CELF2: variants seen among roughly 807,000 people sequenced by gnomAD.
CELF2 encodes CUGBP Elav-like family member 2, also known as CUG triplet repeat RNA-binding protein 2.
CELF2 carries 8 observed loss-of-function variants against 62.6 expected under a neutral mutation model. The observed-to-expected ratio is 0.13, with a 90% confidence interval of 0.07 to 0.23. The LOEUF (loss-of-function observed/expected upper bound fraction) is 0.23, where lower values mean the gene tolerates loss of function less well. CELF2 is among the 10% of genes least tolerant of loss of function. The probability of loss-of-function intolerance (pLI) is 1.00; values close to 1 mark genes in which losing one functional copy is unlikely to be tolerated. For missense variants in CELF2, 333 were observed against 671.0 expected (o/e 0.50, Z 5.56); for synonymous variants, 258 against 250.0 (o/e 1.03, Z -0.30).
At chr10:10,566,422 T>G in the CELF2 span, among the ~76,000 whole-genome samples, 1 of 146,142 alleles carries the variant, frequency 6.8e-6, no homozygotes, top group Non-Finnish European at 1.5e-5. Flanking sequence ...TTTTTTAATT[T>G]TTTTTTTTAT....
chr10:11,116,810 G>A (rs1013799767), intron 1 of CELF2, among the ~76,000 whole-genome samples: 3 of 152,152 alleles, frequency 2.0e-5, no homozygotes, highest in South Asian at 2.1e-4. Flanking sequence ...TATGTCAGTC[G>A]GAGAAGTACA....
chr10:10,873,384 G>C (rs373079943), intron 1 of CELF2, among the ~76,000 whole-genome samples: 6 of 152,074 alleles, frequency 3.9e-5, no homozygotes, highest in African/African-American at 1.4e-4. Context: ...TAGCCCTCGG[G>C]GTAACAGTAT....
At chr10:10,701,465 C>A in the CELF2 span, among the ~76,000 whole-genome samples, 25 of 152,242 alleles carry the variant, frequency 1.6e-4, no homozygotes, top group African/African-American at 4.6e-4. Flanking sequence ...GCTGAGTTGT[C>A]AACCATTTGC....
chr10:10,849,909 G>A (rs1410456174), intron 1 of CELF2, among the ~76,000 whole-genome samples: 4 of 151,942 alleles, frequency 2.6e-5, no homozygotes, highest in African/African-American at 4.8e-5. Flanking sequence ...TTGGGAGGCC[G>A]AGGCAGGCAG....
intron 1 of CELF2, among the ~76,000 whole-genome samples, chr10:11,119,002 C>T (rs1191218980): frequency 6.6e-6 from 1 of 152,240 alleles, no homozygotes; most frequent in Admixed American, 6.5e-5. Context: ...GCCAGAGATG[C>T]TCAGACAGAA....
chr10:11,180,248 C>T (rs77209952), intron 2 of CELF2, among the ~76,000 whole-genome samples: 2,187 of 152,250 alleles, frequency 0.014, 57 homozygotes, highest in African/African-American at 0.049. Flanking sequence ...TCCCAGAAAG[C>T]GGCAACAAGA....
intron 1 of CELF2, among the ~76,000 whole-genome samples, chr10:10,852,872 C>A (rs1000991528): frequency 6.6e-6 from 1 of 152,144 alleles, no homozygotes; most frequent in Non-Finnish European, 1.5e-5. Flanking sequence ...GGAGGCTGAA[C>A]AGGAAAATCA....
intron 1 of CELF2, among the ~76,000 whole-genome samples, chr10:10,902,790 G>A (rs529039494): frequency 5.7e-4 from 84 of 148,478 alleles, no homozygotes; most frequent in Non-Finnish European, 1.0e-3. Context: ...GAGGAGAGGG[G>A]AGGAGAGGAA....
chr10:10,482,345 C>T, the CELF2 span, among the ~76,000 whole-genome samples: 746 of 152,138 alleles, frequency 4.9e-3, 7 homozygotes, highest in African/African-American at 0.017. Flanking sequence ...ATTTAAAATA[C>T]GTGAAAAGTT....
At chr10:11,028,516 T>G (rs1291841601) in intron 1 of CELF2, among the ~76,000 whole-genome samples, 1 of 150,574 alleles carries the variant, frequency 6.6e-6, no homozygotes, top group Non-Finnish European at 1.5e-5. Flanking sequence ...GCCTCCTGGG[T>G]TCAAGTGATT....
At chr10:11,143,857 G>A (rs2061775984) in intron 1 of CELF2, among the ~76,000 whole-genome samples, 1 of 152,162 alleles carries the variant, frequency 6.6e-6, no homozygotes, top group Admixed American at 6.5e-5. Flanking sequence ...GACTTAAATT[G>A]TTTTTCAGAG....
Position 11,214,317 on chromosome 10 carries a change from A to G in CELF2, c.272-3108A>G, listed in dbSNP as rs2062720582. On this transcript the variant is annotated intron_variant, in intron 2 of 12. Coordinates refer to ENST00000633077, the MANE Select transcript of CELF2 (RefSeq NM_001326342.2). The surrounding 1 kb of genome is among the most constrained non-coding windows in gnomAD (Gnocchi z 4.2). Reference sequence around the variant, plus strand: ...AAATTTTTTAATGATGAAACTAACTAAGGTACTGAGGAGGTAAGATATTTC... The same window carrying G: ...AAATTTTTTAATGATGAAACTAACTGAGGTACTGAGGAGGTAAGATATTTC... Among the ~76,000 whole-genome samples the G allele has an allele frequency of 6.6e-6, 1 of 152,182 alleles. No homozygotes were observed. The highest frequency in any genetic ancestry group is 6.5e-5 in the Admixed American group (1 of 15,276).
At position 11,110,896 on chromosome 10, in the gene CELF2, G is replaced by A. The variant is rs1416050754; in HGVS notation, c.75-54590G>A. 6.6e-6 allele frequency among the ~76,000 whole-genome samples: 1 copy of A among 152,118 alleles called. No homozygotes were observed. The highest frequency in any genetic ancestry group is 2.4e-5 in the African/African-American group (1 of 41,416). On this transcript the variant is annotated intron_variant, in intron 1 of 12. Transcript: ENST00000633077. This position sits in a 1 kb window ranked among gnomAD's most constrained non-coding sequence, Gnocchi z 4.0. ...AAGGAGCAAAGCCCTTGGAAACGCA[G>A]CACTGCAATGAGCATTTTATTGAAT...
upstream of CELF2, chr10:11,005,241 A>C: frequency 7.2e-7 from 1 of 1,398,224 alleles, no homozygotes; most frequent in African/African-American, 1.8e-5. The surrounding 1 kb of genome is among the most constrained non-coding windows in gnomAD (Gnocchi z 4.3). Flanking sequence ...GAGAGTGGGA[A>C]GACAGAGAGA....
At chr10:11,127,058 C>T (rs1432569258) in intron 1 of CELF2, among the ~76,000 whole-genome samples, 1 of 152,124 alleles carries the variant, frequency 6.6e-6, no homozygotes, top group Non-Finnish European at 1.5e-5. Flanking sequence ...CCCCCCGCCT[C>T]ATGACACGCC....
chr10:11,164,423 G>A (rs142820219), intron 1 of CELF2, among the ~76,000 whole-genome samples: 1 of 152,334 alleles, frequency 6.6e-6, no homozygotes, highest in Non-Finnish European at 1.5e-5. Flanking sequence ...GGGGATTTTG[G>A]AAACAGCGTT....
intron 2 of CELF2, among the ~76,000 whole-genome samples, chr10:10,940,303 A>C (rs2046911637): frequency 6.6e-6 from 1 of 152,188 alleles, no homozygotes; most frequent in Admixed American, 6.5e-5. Flanking sequence ...TATTCAAGAT[A>C]AATCAGTTCC....
intron 1 of CELF2, among the ~76,000 whole-genome samples, chr10:11,085,434 C>A (rs1459490405): frequency 6.6e-6 from 1 of 152,174 alleles, no homozygotes; most frequent in East Asian, 1.9e-4. Flanking sequence ...AATGAAGAGT[C>A]CAGGAGATTG....
chr10:10,753,240 T>C, the CELF2 span, among the ~76,000 whole-genome samples: 1 of 152,210 alleles, frequency 6.6e-6, no homozygotes, highest in South Asian at 2.1e-4. Context: ...TCTCTTTAAT[T>C]ATCAAGGGTC....
Sources: gnomAD v4.1 joint callset for allele counts (sites outside exome capture counted in the v4.1 genomes callset) on GRCh38, gnomAD v4.1.1 for gene constraint, Gnocchi (gnomAD v3.1) non-coding constraint, MANE v1.5 for transcripts, NCBI Gene and HGNC (gene_info 2026-07-23, HGNC 2026-07-21) for gene names.